Variants in COL5A1 observed in about 807,000 individuals in gnomAD.
COL5A1 encodes collagen alpha-1(V) chain.
Under a neutral mutation model 263.7 loss-of-function variants are expected in COL5A1, and 16 were observed. The ratio of observed to expected loss-of-function variants is 0.06; its 90% CI spans 0.04 to 0.09. The LOEUF (loss-of-function observed/expected upper bound fraction) is 0.09, where lower values mean the gene tolerates loss of function less well. Among genes scored for constraint, COL5A1 ranks in the 10% least tolerant of loss-of-function variants. The probability of loss-of-function intolerance (pLI) is 1.00; values close to 1 mark genes in which losing one functional copy is unlikely to be tolerated. For synonymous variants in COL5A1, 1,012 were observed against 1,004.5 expected (o/e 1.01, Z -0.14); for missense variants, 2,036 against 2,540.5 (o/e 0.80, Z 4.27).
Position 134,731,522 on chromosome 9 carries a change from G to T in COL5A1, c.1191G>T (p.Ala397=), listed in dbSNP as rs199755089. The T allele has an allele frequency of 1.6e-4, 260 of 1,614,222 alleles. 1 individual carries two copies. The Admixed American group carries it at 4.3e-3, about 27-fold the overall frequency. ...CAGCTCCGCCTCCAGGGGAAGGTGC[G>T]GATGACTTGGAGGGGGAGTTCACTG... The part of the protein sequence containing the change: ...SNPAPPPGEG[A]DDLEGEFTEE... The change falls in exon 8 of 66, where the codon GCG becomes GCT. Residue 397 remains alanine (A), a synonymous_variant. Coordinates refer to ENST00000371817, the MANE Select transcript of COL5A1 (RefSeq NM_000093.5).
At chr9:134,653,653 A>T (rs980585430) in intron 1 of COL5A1, among the ~76,000 whole-genome samples, 4 of 152,012 alleles carry the variant, frequency 2.6e-5, no homozygotes, top group African/African-American at 9.7e-5. Context: ...GATCTGTAGG[A>T]CTGCAGGTTT....
chr9:134,774,156 C>T (rs994917469), intron 26 of COL5A1, among the ~76,000 whole-genome samples: 8 of 152,246 alleles, frequency 5.3e-5, no homozygotes, highest in African/African-American at 1.9e-4. Flanking sequence ...TCCTGAGTTC[C>T]TCTATGTGCC....
At chr9:134,726,888 T>G (rs1401277784) in intron 4 of COL5A1, among the ~76,000 whole-genome samples, 1 of 151,200 alleles carries the variant, frequency 6.6e-6, no homozygotes, top group East Asian at 1.9e-4. Flanking sequence ...AATGGGTGAA[T>G]GGATGGATAG....
chr9:134,728,709 G>A lies in COL5A1; in HGVS notation c.826G>A (p.Glu276Lys), dbSNP rs776904091. 7 of 1,614,042 alleles carry A rather than the reference G, an allele frequency of 4.3e-6. No homozygotes were observed. The highest frequency in any genetic ancestry group is 5.9e-6 in the Non-Finnish European group (7 of 1,180,034). Reference protein sequence around the residue: ...GDGEGETYYYEYPYYEDPEDL... With the variant: ...GDGEGETYYYKYPYYEDPEDL... ...CGGCGAGGGTGAGACCTATTACTAC[G>A]AATACCCCTACTACGAAGACCCCGA... The change falls in exon 6 of 66, where the codon GAA (glutamate) becomes AAA (lysine). Residue 276 changes from glutamate (E) to lysine (K), a missense_variant. Physicochemically the swap from Glu to Lys is moderately conservative, Grantham distance 56. This residue lies in a region of COL5A1 where 600 missense variants were observed against 634.5 expected (regional missense o/e 0.95). Transcript: ENST00000371817.
At chr9:134,669,471 C>T (rs1487689738) in intron 1 of COL5A1, among the ~76,000 whole-genome samples, 1 of 151,960 alleles carries the variant, frequency 6.6e-6, no homozygotes, top group Non-Finnish European at 1.5e-5. Context: ...TAGCGATTGG[C>T]ATTTTTGTGT....
At chr9:134,714,876 G>GCT (rs1413941414) in intron 4 of COL5A1, among the ~76,000 whole-genome samples, 3 of 150,396 alleles carry the variant, frequency 2.0e-5, no homozygotes, top group Admixed American at 6.6e-5. Context: ...TGATGGTAGT[G>GCT]GTGGTGATGC....
intron 63 of COL5A1, among the ~76,000 whole-genome samples, chr9:134,828,723 C>T (rs1233896311): frequency 1.9e-3 from 6 of 3,138 alleles, no homozygotes; most frequent in African/African-American, 3.8e-3. Context: ...ACGCACCACA[C>T]ATCAGACACA....
chr9:134,714,666 TAGTG>T (rs1564406188), intron 4 of COL5A1, among the ~76,000 whole-genome samples: 2 of 58,410 alleles, frequency 3.4e-5, no homozygotes. Flanking sequence ...GAGGCGATGA[TAGTG>T]GTGGTGGTGG....
chr9:134,722,949 A>G (rs1163923018), intron 4 of COL5A1, among the ~76,000 whole-genome samples: 1 of 151,980 alleles, frequency 6.6e-6, no homozygotes, highest in Non-Finnish European at 1.5e-5. Context: ...GGGCTGCGCT[A>G]ATCAGGGCCC....
intron 64 of COL5A1, 194 bp downstream of exon 64, chr9:134,830,238 G>T: frequency 1.3e-6 from 2 of 1,499,094 alleles, no homozygotes; most frequent in South Asian, 1.2e-5. Flanking sequence ...GCTGGCTCGC[G>T]GCTCTGCATG....
intron 48 of COL5A1, among the ~76,000 whole-genome samples, chr9:134,813,238 C>T (rs549486977): frequency 2.8e-4 from 43 of 151,916 alleles, no homozygotes; most frequent in African/African-American, 9.4e-4. Flanking sequence ...GTGTGCACAT[C>T]GGTGCATGTG....
At chr9:134,684,347 C>T (rs926670810) in intron 1 of COL5A1, among the ~76,000 whole-genome samples, 3 of 152,202 alleles carry the variant, frequency 2.0e-5, no homozygotes, top group African/African-American at 7.2e-5. Context: ...GGAAACAGAG[C>T]GTTGCTGGGC....
At chr9:134,714,166 A>G (rs561327997) in intron 4 of COL5A1, among the ~76,000 whole-genome samples, 1 of 152,252 alleles carries the variant, frequency 6.6e-6, no homozygotes, top group South Asian at 2.1e-4. Context: ...ATGAACAATC[A>G]GAGCTGGTTG....
intron 11 of COL5A1, among the ~76,000 whole-genome samples, chr9:134,745,515 C>G (rs918414868): frequency 2.6e-5 from 4 of 152,114 alleles, no homozygotes; most frequent in Non-Finnish European, 4.4e-5. Context: ...GGATAAAGAG[C>G]CCCTCCTGTG....
At chr9:134,833,258 G>C (rs558851240) in intron 64 of COL5A1, among the ~76,000 whole-genome samples, 6 of 152,250 alleles carry the variant, frequency 3.9e-5, no homozygotes, top group Non-Finnish European at 8.8e-5. Flanking sequence ...GAAACCTTGA[G>C]TTGGCAACAG....
At chr9:134,770,251 G>A (rs1225013198) in intron 25 of COL5A1, among the ~76,000 whole-genome samples, 2 of 152,222 alleles carry the variant, frequency 1.3e-5, no homozygotes, top group Non-Finnish European at 2.9e-5. Context: ...TCTTGTTTTG[G>A]TTTTGGTTTC....
At chr9:134,701,996 C>T in intron 4 of COL5A1, among the ~76,000 whole-genome samples, 1 of 152,210 alleles carries the variant, frequency 6.6e-6, no homozygotes, top group Non-Finnish European at 1.5e-5. Context: ...AGAGCTTCTG[C>T]AGGTGACCAG....
In COL5A1 at chr9:134,825,653, C is replaced by G. The variant is rs7855787; in HGVS notation, c.4955-139C>G. 104,633 of 632,098 alleles carry G rather than the reference C, an allele frequency of 0.17. 10,482 individuals are homozygous for G. The highest frequency in any genetic ancestry group is 0.31 in the South Asian group (20,213 of 65,596). 39.2% of individuals were successfully genotyped at this position (632,098 alleles called of 1,614,324 possible). A position where few individuals can be genotyped will look rare whatever the true frequency, so the allele number is the denominator to read the frequency against. On this transcript the variant is annotated intron_variant, in intron 62 of 65. Coordinates refer to ENST00000371817, the MANE Select transcript of COL5A1 (RefSeq NM_000093.5). ...AGAAGCAAAATGCAATAAAGTAAAC[C>G]CCAGAAAGGCCCGTGTTGGCGGCAT... is the stretch of plus-strand genomic sequence containing the variant.
At chr9:134,807,842 A>G (rs1050717613) in intron 42 of COL5A1, among the ~76,000 whole-genome samples, 6 of 152,258 alleles carry the variant, frequency 3.9e-5, no homozygotes, top group Admixed American at 1.3e-4. Context: ...TATAGAGTGC[A>G]CACAAAGTCA....
Sources: gnomAD v4.1 joint callset for allele counts (sites outside exome capture counted in the v4.1 genomes callset) on GRCh38, gnomAD v4.1.1 for gene constraint, gnomAD v4.1.1 regional missense constraint, MANE v1.5 for transcripts, NCBI Gene and HGNC (gene_info 2026-07-23, HGNC 2026-07-21) for gene names.